The following PCDHA1 variants were observed in gnomAD, a reference collection of about 807,000 sequenced individuals.
The protein encoded by PCDHA1 is protocadherin alpha 1, also known as protocadherin alpha-1.
In PCDHA1, 42 loss-of-function variants were observed where a neutral mutation model predicts 61.3. The observed-to-expected ratio is 0.69, with a 90% CI of 0.54 to 0.89. PCDHA1 has a LOEUF of 0.89. Ranked by LOEUF, PCDHA1 falls within the 40% of genes least tolerant of loss-of-function variation. PCDHA1 has a pLI of 0.00. For synonymous variants in PCDHA1, 610 were observed against 553.8 expected (o/e 1.10, Z -1.43); for missense variants, 1,256 against 1,235.3 (o/e 1.02, Z -0.25).
At chr5:140,794,496 A>G (rs1554119118) in intron 1 of PCDHA1, among the ~76,000 whole-genome samples, 1 of 152,240 alleles carries the variant, frequency 6.6e-6, no homozygotes, top group African/African-American at 2.4e-5. Flanking sequence ...GACGGTGAAA[A>G]GCGGAGTTGT....
chr5:140,862,809 G>C (rs782185253), intron 1 of PCDHA1: 2 of 572,722 alleles, frequency 3.5e-6, no homozygotes, highest in South Asian at 1.4e-5. Context: ...AGCTGCTGCA[G>C]TTCTAGGTGA....
At chr5:140,863,416 C>G (rs782237036) in intron 1 of PCDHA1, 14 of 719,640 alleles carry the variant, frequency 1.9e-5, no homozygotes, top group African/African-American at 3.6e-5. Context: ...GCTGGTGTAC[C>G]GCAGCGTAGT....
intron 1 of PCDHA1, among the ~76,000 whole-genome samples, chr5:140,878,377 T>C (rs2057568265): frequency 6.6e-6 from 1 of 152,274 alleles, no homozygotes; most frequent in Non-Finnish European, 1.5e-5. Flanking sequence ...ATATGATGAA[T>C]GATTTTCTTC....
intron 1 of PCDHA1, chr5:140,835,618 C>G: frequency 6.2e-7 from 1 of 1,613,946 alleles, no homozygotes; most frequent in Non-Finnish European, 8.5e-7. Flanking sequence ...CTGGACAGCG[C>G]TCTGGACCGC....
In PCDHA1 at chr5:140,824,269, A is replaced by C. The variant is rs2150133814; in HGVS notation, c.2394+35585A>C. On this transcript the variant is annotated intron_variant, in intron 1 of 3. Coordinates refer to ENST00000504120, the MANE Select transcript of PCDHA1 (RefSeq NM_018900.4). ...ACACAATTATTGCACTAATTCATGTATTATATGCTTTTTATGAGGCTTTTC... is the reference window on the plus strand; with the variant it reads ...ACACAATTATTGCACTAATTCATGTCTTATATGCTTTTTATGAGGCTTTTC... 2.5e-6 allele frequency: 3 copies of C among 1,222,710 alleles called. No individual in the cohort carries two copies. The South Asian group carries it at 4.2e-5, about 17-fold the overall frequency. The allele number at this position is 1,222,710 out of a possible 1,614,324, so 75.7% of individuals were successfully genotyped here.
intron 1 of PCDHA1, chr5:140,801,741 G>A (rs1554121657): frequency 6.2e-7 from 1 of 1,613,948 alleles, no homozygotes. Context: ...TACCTTGGAC[G>A]TTAAAAGAAA....
chr5:140,981,502 A>G (rs2096935392), intron 2 of PCDHA1, among the ~76,000 whole-genome samples: 2 of 152,218 alleles, frequency 1.3e-5, no homozygotes, highest in Non-Finnish European at 2.9e-5. Flanking sequence ...TGAACCTGGG[A>G]GGCAGAGGTT....
intron 1 of PCDHA1, chr5:140,829,828 G>C: frequency 6.2e-7 from 1 of 1,613,938 alleles, no homozygotes; most frequent in Non-Finnish European, 8.5e-7. Flanking sequence ...CAGTGAGCGA[G>C]CTGGTGCCGC....
At chr5:140,986,427 G>A (rs937088313) in intron 3 of PCDHA1, among the ~76,000 whole-genome samples, 19 of 152,186 alleles carry the variant, frequency 1.2e-4, no homozygotes, top group African/African-American at 4.6e-4. Context: ...TTAACTTCAT[G>A]AGTACTAATG....
intron 1 of PCDHA1, among the ~76,000 whole-genome samples, chr5:140,959,151 C>CAG (rs782425604): frequency 2.0e-4 from 30 of 152,084 alleles, no homozygotes; most frequent in African/African-American, 7.0e-4. Context: ...CCAAAGTGGG[C>CAG]AGATTGCTTG....
intron 1 of PCDHA1, among the ~76,000 whole-genome samples, chr5:140,894,013 T>G (rs1161643824): frequency 1.3e-5 from 2 of 152,232 alleles, no homozygotes; most frequent in African/African-American, 4.8e-5. Flanking sequence ...TGGTTCAAAT[T>G]ACCAGTTCTG....
At chr5:140,934,437 T>C (rs950173265) in intron 1 of PCDHA1, among the ~76,000 whole-genome samples, 4 of 152,298 alleles carry the variant, frequency 2.6e-5, no homozygotes, top group Admixed American at 6.5e-5. Context: ...AGTGTAAATA[T>C]AGTGAAAAAT....
chr5:140,919,286 G>A (rs1225686980), intron 1 of PCDHA1, among the ~76,000 whole-genome samples: 9 of 152,096 alleles, frequency 5.9e-5, no homozygotes, highest in Admixed American at 5.9e-4. Flanking sequence ...GCTATCTTGT[G>A]GTTGCTGTTT....
At chr5:140,851,412 A>G in intron 1 of PCDHA1, 2 of 962,264 alleles carry the variant, frequency 2.1e-6, no homozygotes, top group East Asian at 1.1e-4. Context: ...TAAGAAAGAA[A>G]CTTCCCCTAA....
intron 1 of PCDHA1, among the ~76,000 whole-genome samples, chr5:140,838,077 A>ATAGTGT (rs1203070308): frequency 7.4e-5 from 6 of 80,664 alleles, no homozygotes; most frequent in Non-Finnish European, 1.5e-4. Flanking sequence ...ATATATATAT[A>ATAGTGT]GTGTGTGTGT....
rs562721543 is a variant in PCDHA1, at chr5:140,968,426, A to G, written c.2395-10523A>G. ...CTTTGTGACTGTGGAGGCTCAGGAC[A>G]AGGGGAGCCCACCACTGAGCAGCAC... On this transcript the variant is annotated intron_variant, in intron 1 of 3. Transcript: ENST00000504120. 135 of 1,614,020 alleles carry G rather than the reference A, an allele frequency of 8.4e-5. 2 individuals carry two copies. In the South Asian group the frequency reaches 1.4e-3, roughly 16 times the overall value.
intron 1 of PCDHA1, among the ~76,000 whole-genome samples, chr5:140,924,369 G>A (rs2081798645): frequency 6.6e-6 from 1 of 152,144 alleles, no homozygotes; most frequent in Admixed American, 6.5e-5. Context: ...AGGCAAACTA[G>A]CCAAGGGGTA....
chr5:140,992,460 G>T (rs1554252924), intron 3 of PCDHA1, among the ~76,000 whole-genome samples: 1 of 152,170 alleles, frequency 6.6e-6, no homozygotes, highest in African/African-American at 2.4e-5. Context: ...GCAGAGGACA[G>T]TACTCTTTAG....
intron 1 of PCDHA1, among the ~76,000 whole-genome samples, chr5:140,946,311 T>C (rs896667905): frequency 6.6e-6 from 1 of 151,784 alleles, no homozygotes; most frequent in Non-Finnish European, 1.5e-5. Flanking sequence ...AGAATGGCTA[T>C]TATTGAAAGA....
Sources: gnomAD v4.1 joint callset for allele counts (sites outside exome capture counted in the v4.1 genomes callset) on GRCh38, gnomAD v4.1.1 for gene constraint, MANE v1.5 for transcripts, NCBI Gene and HGNC (gene_info 2026-07-23, HGNC 2026-07-21) for gene names.